Variants in DCTN5 observed in about 807,000 individuals in gnomAD.
The protein encoded by DCTN5 is dynactin 4.
DCTN5 carries 14 observed loss-of-function variants against 23.5 expected under a neutral mutation model. The observed-to-expected ratio is 0.60, with a 90% CI of 0.39 to 0.93. DCTN5 has a LOEUF of 0.93. Among genes scored for constraint, DCTN5 ranks in the 40% least tolerant of loss-of-function variants. The probability of loss-of-function intolerance (pLI) is 0.00; values close to 1 mark genes in which losing one functional copy is unlikely to be tolerated. For missense variants in DCTN5, 156 were observed against 225.9 expected (o/e 0.69, Z 1.98); for synonymous variants, 67 against 79.6 (o/e 0.84, Z 0.84).
In DCTN5 at chr16:23,660,656, C is replaced by G. The variant is rs561984613; in HGVS notation, c.237-514C>G. On this transcript the variant is annotated intron_variant, in intron 3 of 5. Coordinates refer to ENST00000300087, the MANE Select transcript of DCTN5 (RefSeq NM_032486.4). ...TTTCTTCTCTTGATTGCAAGCTGCT[C>G]GTGGACAGTGTTCTCTCTCTTTTGT... Among the ~76,000 whole-genome samples, 8 of 152,254 alleles carry G rather than the reference C, an allele frequency of 5.3e-5. No individual in the cohort carries two copies. The East Asian group carries it at 1.5e-3, about 29-fold the overall frequency.
intron 1 of DCTN5, 54 bp from the exon 2 acceptor site, chr16:23,642,901 A>G (rs750410754): frequency 1.5e-5 from 22 of 1,489,858 alleles, no homozygotes; most frequent in Non-Finnish European, 2.1e-5. Flanking sequence ...GGAAACCTGT[A>G]GTCCAGAAAC....
chr16:23,675,789 C>T lies in DCTN5; in HGVS notation c.*8645C>T, dbSNP rs1437851157. On this transcript the variant is annotated 3_prime_UTR_variant, in exon 6 of 6. Coordinates refer to ENST00000300087, the MANE Select transcript of DCTN5 (RefSeq NM_032486.4). ...CAGACTGACAACAGAGTGGGTCTAG[C>T]TTCTATGCTTTCCATGAAGATCTCC... 1 of 152,208 alleles carries T rather than the reference C, an allele frequency of 6.6e-6. No homozygotes were observed. The highest frequency in any genetic ancestry group is 1.5e-5 in the Non-Finnish European group (1 of 68,054). The allele number at this position is 152,208 out of a possible 1,614,324, so 9.4% of individuals were successfully genotyped here.
rs562450174 is a variant in DCTN5 at position 23,647,736 on chromosome 16, G to A, written c.117+4713G>A. Among the ~76,000 whole-genome samples the A allele has an allele frequency of 1.6e-3, 241 of 151,962 alleles. 2 individuals are homozygous for A. The highest frequency in any genetic ancestry group is 5.7e-3 in the African/African-American group (235 of 41,454). On this transcript the variant is annotated intron_variant, in intron 2 of 5. Transcript: ENST00000300087. ...TTGGCCAGGCTGGTCTTGAACTCCTGACCTCAGGTGATCTGCCTGCCTCAG... is the reference window on the plus strand; with the variant it reads ...TTGGCCAGGCTGGTCTTGAACTCCTAACCTCAGGTGATCTGCCTGCCTCAG...
rs189953069 is a variant in DCTN5 at position 23,654,124 on chromosome 16, C to G, written c.118-4383C>G. On this transcript the variant is annotated intron_variant, in intron 2 of 5. Coordinates refer to ENST00000300087, the MANE Select transcript of DCTN5 (RefSeq NM_032486.4). ...TGTGGAAGACAGTGTGGTGATTCCT[C>G]AGAGACCTAAAGACAGAAATACCAT... 1.4e-4 allele frequency among the ~76,000 whole-genome samples: 22 copies of G among 152,302 alleles called. No homozygotes were observed. In the East Asian group the frequency reaches 3.1e-3, roughly 21 times the overall value.
intron 2 of DCTN5, among the ~76,000 whole-genome samples, chr16:23,655,629 G>A (rs556036662): frequency 9.3e-5 from 14 of 150,526 alleles, no homozygotes; most frequent in Admixed American, 7.3e-4. Flanking sequence ...CCGCAGCCTC[G>A]ACCTCCACAT....
At position 23,676,616 on chromosome 16, in the gene DCTN5, A is replaced by G. The variant is rs1274924574; in HGVS notation, c.*9472A>G. 6.6e-6 allele frequency: 1 copy of G among 152,208 alleles called. No individual in the cohort carries two copies. The highest frequency in any genetic ancestry group is 1.5e-5 in the Non-Finnish European group (1 of 68,040). 9.4% of individuals were successfully genotyped at this position (152,208 alleles called of 1,614,324 possible). On this transcript the variant is annotated 3_prime_UTR_variant, in exon 6 of 6. Transcript: ENST00000300087. Reference sequence around the variant, plus strand: ...CACCTGGCTTCCTAAGATAGACTTTATGGTTAATGGGATTTATTTTAGCTG... The same window carrying G: ...CACCTGGCTTCCTAAGATAGACTTTGTGGTTAATGGGATTTATTTTAGCTG...
chr16:23,662,615 CA>C (rs1555464228), intron 4 of DCTN5, among the ~76,000 whole-genome samples: 1 of 152,238 alleles, frequency 6.6e-6, no homozygotes, highest in East Asian at 1.9e-4. Context: ...CCTGAAATAT[CA>C]AAAAACTTGC....
chr16:23,653,721 C>G (rs1453545604), intron 2 of DCTN5, among the ~76,000 whole-genome samples: 1 of 152,200 alleles, frequency 6.6e-6, no homozygotes, highest in South Asian at 2.1e-4. Context: ...TAAACTAAAG[C>G]GCTTCTGCAC....
At chr16:23,642,219 C>T (rs1438867796) in intron 1 of DCTN5, among the ~76,000 whole-genome samples, 1 of 152,218 alleles carries the variant, frequency 6.6e-6, no homozygotes, top group African/African-American at 2.4e-5. Flanking sequence ...AGGCGTGAGC[C>T]ACCGCACCCT....
intron 2 of DCTN5, among the ~76,000 whole-genome samples, chr16:23,645,137 A>ATATTTT (rs1555462995): frequency 3.6e-4 from 11 of 30,788 alleles, no homozygotes; most frequent in East Asian, 2.3e-3. Context: ...ATATATATAT[A>ATATTTT]TTTTTTTTTT....
At chr16:23,648,637 A>ACCACAGGC in intron 2 of DCTN5, among the ~76,000 whole-genome samples, 1 of 151,854 alleles carries the variant, frequency 6.6e-6, no homozygotes, top group South Asian at 2.1e-4. Flanking sequence ...GGTGTGGGCC[A>ACCACAGGC]CCACACCTGG....
In DCTN5 at chr16:23,667,212, A is replaced by G; in HGVS notation, c.*68A>G. 1 of 1,593,744 alleles carries G rather than the reference A, an allele frequency of 6.3e-7. No individual in the cohort carries two copies. The highest frequency in any genetic ancestry group is 8.6e-7 in the Non-Finnish European group (1 of 1,167,260). On this transcript the variant is annotated 3_prime_UTR_variant, in exon 6 of 6. Transcript: ENST00000300087. ...AACCTGGGGACAAAGTGAGCCAGTC[A>G]GCACCTACAAAGAGCTTTTGTGTCT...
intron 2 of DCTN5, among the ~76,000 whole-genome samples, chr16:23,645,083 CTATATATATATATATA>C (rs869302728): frequency 1.8e-3 from 58 of 33,110 alleles, no homozygotes; most frequent in African/African-American, 3.2e-3. Flanking sequence ...CCCAGCCTAA[CTATATATATATATATA>C]TATATATATA....
chr16:23,661,189 C>A lies in DCTN5; in HGVS notation c.256C>A (p.His86Asn). 6.2e-7 allele frequency: 1 copy of A among 1,612,572 alleles called. No homozygotes were observed. The highest frequency in any genetic ancestry group is 8.5e-7 in the Non-Finnish European group (1 of 1,179,134). ...TTCTAGTGTTGCATTCTTTCCTTTA[C>A]ATATTGGAGACCATGTCTTTATTGA... Reference protein sequence around the residue: ...FSKGVAFFPLHIGDHVFIEED... With the variant: ...FSKGVAFFPLNIGDHVFIEED... Residue 86 changes from histidine (H) to asparagine (N), a missense_variant, in exon 4 of 6, where the codon CAT becomes AAT. Transcript: ENST00000300087.
intron 2 of DCTN5, among the ~76,000 whole-genome samples, chr16:23,648,602 G>A (rs752075038): frequency 3.3e-5 from 5 of 151,280 alleles, no homozygotes; most frequent in Admixed American, 1.3e-4. Flanking sequence ...CGCCTGCCTC[G>A]GCCTCCCAAA....
intron 3 of DCTN5, among the ~76,000 whole-genome samples, chr16:23,660,104 T>C (rs892475943): frequency 1.3e-5 from 2 of 152,182 alleles, no homozygotes; most frequent in African/African-American, 4.8e-5. Flanking sequence ...GAATCTTAAA[T>C]TTAAAATTAA....
chr16:23,649,272 T>G (rs1004545833), intron 2 of DCTN5, among the ~76,000 whole-genome samples: 2 of 152,250 alleles, frequency 1.3e-5, no homozygotes, highest in Non-Finnish European at 2.9e-5. Context: ...AGATTGAGTT[T>G]TTTTGCAGTT....
chr16:23,660,546 G>T (rs1266140550), intron 3 of DCTN5, among the ~76,000 whole-genome samples: 1 of 152,148 alleles, frequency 6.6e-6, no homozygotes, highest in Non-Finnish European at 1.5e-5. Context: ...GACTAGGTAA[G>T]GTCTCCTTGT....
Position 23,671,237 on chromosome 16 carries a change from T to C in DCTN5, c.*4093T>C, listed in dbSNP as rs1012701607. The C allele has an allele frequency of 1.2e-4, 19 of 152,290 alleles. No individual in the cohort carries two copies. Among genetic ancestry groups the C allele is most frequent in the African/African-American group, 4.3e-4 (18 of 41,558 alleles). 9.4% of individuals were successfully genotyped at this position (152,290 alleles called of 1,614,324 possible). A position where few individuals can be genotyped will look rare whatever the true frequency, so the allele number is the denominator to read the frequency against. On this transcript the variant is annotated 3_prime_UTR_variant, in exon 6 of 6. Transcript: ENST00000300087. ...AAGTTGGATAGGGTATTATGATGATTGAAATGCATTTATACATGTAAAGCA... is the reference window on the plus strand; with the variant it reads ...AAGTTGGATAGGGTATTATGATGATCGAAATGCATTTATACATGTAAAGCA...
Sources: gnomAD v4.1 joint callset for allele counts (sites outside exome capture counted in the v4.1 genomes callset) on GRCh38, gnomAD v4.1.1 for gene constraint, MANE v1.5 for transcripts, NCBI Gene and HGNC (gene_info 2026-07-23, HGNC 2026-07-21) for gene names.